RAB15: variants seen among roughly 807,000 people sequenced by gnomAD.
RAB15 encodes the protein ras-related protein Rab-15.
In RAB15, 13 loss-of-function variants were observed where a neutral mutation model predicts 31.8. The ratio of observed to expected loss-of-function variants is 0.41; its 90% confidence interval spans 0.27 to 0.65. RAB15 has a LOEUF of 0.65. Ranked by LOEUF, RAB15 falls within the 30% of genes least tolerant of loss-of-function variation. The probability of loss-of-function intolerance (pLI) is 0.32; values close to 1 mark genes in which losing one functional copy is unlikely to be tolerated. For missense variants in RAB15, 220 were observed against 277.3 expected, an observed-to-expected ratio of 0.79 and a Z score of 1.47; for synonymous variants, 100 against 105.6, an observed-to-expected ratio of 0.95 and a Z score of 0.33.
Position 64,960,056 on chromosome 14 carries a change from C to T in RAB15, c.125-7485G>A, listed in dbSNP as rs1442656317. 2.6e-5 allele frequency among the ~76,000 whole-genome samples: 4 copies of T among 152,178 alleles called. No homozygotes were observed. In the South Asian group the frequency reaches 6.2e-4, roughly 24 times the overall value. ...TGAGGCAGCAGCCCTGGGCCCCATC[C>T]TCTTCCTGCTGTGACTCTGTCTGTA... On this transcript the variant is annotated intron_variant, in intron 1 of 6. Coordinates refer to ENST00000533601, the MANE Select transcript of RAB15 (RefSeq NM_001308154.2).
At chr14:64,965,809 G>A (rs1392492355) in intron 1 of RAB15, among the ~76,000 whole-genome samples, 3 of 152,196 alleles carry the variant, frequency 2.0e-5, no homozygotes, top group East Asian at 1.9e-4. Flanking sequence ...GCAGGTAGGC[G>A]GGAGGAACCG....
Position 64,955,794 on chromosome 14 carries a change from G to A in RAB15, c.125-3223C>T, listed in dbSNP as rs1174578759. On this transcript the variant is annotated intron_variant, in intron 1 of 6. Coordinates refer to ENST00000533601, the MANE Select transcript of RAB15 (RefSeq NM_001308154.2). This position sits in a 1 kb window ranked among gnomAD's most constrained non-coding sequence, Gnocchi z 4.4. ...TCAGCCCCACCTGGGTGCACACCCA[G>A]AGAGTCAGCCCTTTTTGTTGCATCT... Among the ~76,000 whole-genome samples, 1 of 152,264 alleles carries A rather than the reference G, an allele frequency of 6.6e-6. No homozygotes were observed. Among genetic ancestry groups the A allele is most frequent in the East Asian group, 1.9e-4 (1 of 5,198 alleles).
intron 1 of RAB15, among the ~76,000 whole-genome samples, chr14:64,956,390 G>A (rs1478326587): frequency 4.7e-4 from 70 of 147,604 alleles, no homozygotes; most frequent in Admixed American, 2.3e-3. Flanking sequence ...CAGTCTGGGC[G>A]ACAGGGTGAG....
In RAB15 at chr14:64,954,167, C is replaced by T. The variant is rs1886415132; in HGVS notation, c.125-1596G>A. ...CTCGCCTGCCCAAGCTGATTCATATCCATTGAGCTGTACTTTTCCAAATGG... is the reference window on the plus strand; with the variant it reads ...CTCGCCTGCCCAAGCTGATTCATATTCATTGAGCTGTACTTTTCCAAATGG... On this transcript the variant is annotated intron_variant, in intron 1 of 6. Transcript: ENST00000533601. The surrounding 1 kb of genome is among the most constrained non-coding windows in gnomAD (Gnocchi z 4.3). 1.0e-5 allele frequency: 10 copies of T among 985,404 alleles called. No homozygotes were observed. The highest frequency in any genetic ancestry group is 1.2e-5 in the Non-Finnish European group (10 of 829,926). The allele number at this position is 985,404 out of a possible 1,614,324, so 61.0% of individuals were successfully genotyped here.
In RAB15 at chr14:64,951,056, T is replaced by G; in HGVS notation, c.324+18A>C. On this transcript the variant is annotated intron_variant, in intron 4 of 6. Coordinates refer to ENST00000533601, the MANE Select transcript of RAB15 (RefSeq NM_001308154.2). The surrounding 1 kb of genome is among the most constrained non-coding windows in gnomAD (Gnocchi z 7.2). ...AGGCACCCTCTCCACACCCCGGCAGTGAGGTGGCATCTCCTACCTCATCCA... is the reference window on the plus strand; with the variant it reads ...AGGCACCCTCTCCACACCCCGGCAGGGAGGTGGCATCTCCTACCTCATCCA... The G allele has an allele frequency of 6.2e-7, 1 of 1,613,296 alleles. No individual in the cohort carries two copies. The highest frequency in any genetic ancestry group is 8.5e-7 in the Non-Finnish European group (1 of 1,179,982).
In RAB15 at chr14:64,970,329, C is replaced by G. The variant is rs959806211; in HGVS notation, c.124+1624G>C. Among the ~76,000 whole-genome samples, 8 of 152,328 alleles carry G rather than the reference C, an allele frequency of 5.3e-5. No individual in the cohort carries two copies. Among genetic ancestry groups the G allele is most frequent in the Admixed American group, 2.6e-4 (4 of 15,306 alleles). ...GCCACTTCCTCCATCACGCCCATGC[C>G]TTTCTCCTGCACCTGCCTCTTCCCC... On this transcript the variant is annotated intron_variant, in intron 1 of 6. Coordinates refer to ENST00000533601, the MANE Select transcript of RAB15 (RefSeq NM_001308154.2). The surrounding 1 kb of genome is among the most constrained non-coding windows in gnomAD (Gnocchi z 4.1).
In RAB15 at chr14:64,958,459, C is replaced by A. The variant is rs140038390; in HGVS notation, c.125-5888G>T. Among the ~76,000 whole-genome samples, 6 of 152,316 alleles carry A rather than the reference C, an allele frequency of 3.9e-5. No homozygotes were observed. The highest frequency in any genetic ancestry group is 2.1e-4 in the South Asian group (1 of 4,826). On this transcript the variant is annotated intron_variant, in intron 1 of 6. Coordinates refer to ENST00000533601, the MANE Select transcript of RAB15 (RefSeq NM_001308154.2). The surrounding 1 kb of genome is among the most constrained non-coding windows in gnomAD (Gnocchi z 4.4). ...ACACTGAATCTGCTGGCACCCTGAT[C>A]TTGGACTTCCCAGCCTCCCAAACTC...
At chr14:64,967,731 C>A (rs1473373459) in intron 1 of RAB15, among the ~76,000 whole-genome samples, 1 of 152,204 alleles carries the variant, frequency 6.6e-6, no homozygotes. Flanking sequence ...CCATGTATGA[C>A]ATCTTCTCCC....
At position 64,953,314 on chromosome 14, in the gene RAB15, C is replaced by T. The variant is rs1361464983; in HGVS notation, c.125-743G>A. Among the ~76,000 whole-genome samples, 2 of 152,224 alleles carry T rather than the reference C, an allele frequency of 1.3e-5. No individual in the cohort carries two copies. Among genetic ancestry groups the T allele is most frequent in the Non-Finnish European group, 2.9e-5 (2 of 68,048 alleles). On this transcript the variant is annotated intron_variant, in intron 1 of 6. Coordinates refer to ENST00000533601, the MANE Select transcript of RAB15 (RefSeq NM_001308154.2). The surrounding 1 kb of genome is among the most constrained non-coding windows in gnomAD (Gnocchi z 4.6). Reference sequence around the variant, plus strand: ...TTTCTGCCTCAGTAAATATCTTCATCAGGGACATTACCAGTATCTCAGAGG... The same window carrying T: ...TTTCTGCCTCAGTAAATATCTTCATTAGGGACATTACCAGTATCTCAGAGG...
chr14:64,961,628 C>T (rs1458321273), intron 1 of RAB15, among the ~76,000 whole-genome samples: 2 of 152,100 alleles, frequency 1.3e-5, no homozygotes, highest in Non-Finnish European at 2.9e-5. Flanking sequence ...AGTCTCAAGC[C>T]CAGGCATGGT....
At position 64,948,362 on chromosome 14, in the gene RAB15, A is replaced by C; in HGVS notation, c.631T>G (p.Trp211Gly). The part of the protein sequence containing the change: ...EGPANSSKTC[W>G]C ...GGTGCCCCACACAGGACTCAGCACCAGCAGGTTTTCGAAGAGTTCGCTGGG... is the reference window on the plus strand; with the variant it reads ...GGTGCCCCACACAGGACTCAGCACCCGCAGGTTTTCGAAGAGTTCGCTGGG... Residue 211 changes from tryptophan (W) to glycine (G), a missense_variant, in exon 7 of 7, where the codon TGG (tryptophan) becomes GGG (glycine). By Grantham distance (184) the Trp-to-Gly change is radical. Coordinates refer to ENST00000533601, the MANE Select transcript of RAB15 (RefSeq NM_001308154.2). This position sits in a 1 kb window ranked among gnomAD's most constrained non-coding sequence, Gnocchi z 7.0. 6.4e-7 allele frequency: 1 copy of C among 1,570,790 alleles called. No individual in the cohort carries two copies. The highest frequency in any genetic ancestry group is 8.6e-7 in the Non-Finnish European group (1 of 1,162,492).
chr14:64,948,859 A>G lies in RAB15; in HGVS notation c.415-126T>C. 2.5e-6 allele frequency: 2 copies of G among 801,516 alleles called. No homozygotes were observed. The highest frequency in any genetic ancestry group is 4.1e-6 in the Non-Finnish European group (2 of 491,230). 49.7% of individuals were successfully genotyped at this position (801,516 alleles called of 1,614,324 possible). The stretch of plus-strand genomic sequence containing the variant: ...GTTGTGACGATTTCTCAGAGTAGAT[A>G]ATTTCTCAGATGGGACTGGGAGCTC... On this transcript the variant is annotated intron_variant, in intron 5 of 6. Transcript: ENST00000533601. This position sits in a 1 kb window ranked among gnomAD's most constrained non-coding sequence, Gnocchi z 7.0.
At position 64,950,008 on chromosome 14, in the gene RAB15, C is replaced by T. The variant is rs539344514; in HGVS notation, c.414+317G>A. Among the ~76,000 whole-genome samples, 34 of 152,284 alleles carry T rather than the reference C, an allele frequency of 2.2e-4. No homozygotes were observed. The highest frequency in any genetic ancestry group is 6.8e-3 in the Middle Eastern group (2 of 294). On this transcript the variant is annotated intron_variant, in intron 5 of 6. Transcript: ENST00000533601. This position sits in a 1 kb window ranked among gnomAD's most constrained non-coding sequence, Gnocchi z 5.6. The stretch of plus-strand genomic sequence containing the variant: ...TGGATGCTGTCAGAGAAGAGGTTGA[C>T]AACTTGAAGTCCTTCATTACTAACA...
chr14:64,959,456 G>A (rs1170479654), intron 1 of RAB15, among the ~76,000 whole-genome samples: 1 of 152,206 alleles, frequency 6.6e-6, no homozygotes, highest in African/African-American at 2.4e-5. Context: ...AAGGGGCAGA[G>A]AATACATTTT....
chr14:64,958,415 G>C lies in RAB15; in HGVS notation c.125-5844C>G, dbSNP rs560763190. The stretch of plus-strand genomic sequence containing the variant: ...GCTAGAAGGTGCCACCTTTGTCACA[G>C]AGCATCAGCCTTCACCAGACACTGA... On this transcript the variant is annotated intron_variant, in intron 1 of 6. Transcript: ENST00000533601. This position sits in a 1 kb window ranked among gnomAD's most constrained non-coding sequence, Gnocchi z 4.4. 6.6e-6 allele frequency among the ~76,000 whole-genome samples: 1 copy of C among 152,294 alleles called. No individual in the cohort carries two copies. Among genetic ancestry groups the C allele is most frequent in the African/African-American group, 2.4e-5 (1 of 41,564 alleles).
chr14:64,961,410 G>A (rs570368438), intron 1 of RAB15, among the ~76,000 whole-genome samples: 1 of 152,340 alleles, frequency 6.6e-6, no homozygotes, highest in East Asian at 1.9e-4. Flanking sequence ...TTTGGTATAT[G>A]CAGAGATGAG....
Position 64,951,728 on chromosome 14 carries a change from C to CAGAG in RAB15, c.186-69_186-66dup. 1 of 1,384,618 alleles carries CAGAG rather than the reference C, an allele frequency of 7.2e-7. No individual in the cohort carries two copies. Among genetic ancestry groups the CAGAG allele is most frequent in the Non-Finnish European group, 1.0e-6 (1 of 970,522 alleles). 85.8% of individuals were successfully genotyped at this position (1,384,618 alleles called of 1,614,324 possible). A position where few individuals can be genotyped will look rare whatever the true frequency, so the allele number is the denominator to read the frequency against. The stretch of plus-strand genomic sequence containing the variant: ...TGGGAACAGACGGGGAGGGGAAGAG[C>CAGAG]AGAGCTGTCCCCTTGTAGGAAAAAC... On this transcript the variant is annotated intron_variant, in intron 2 of 6. Transcript: ENST00000533601. This position sits in a 1 kb window ranked among gnomAD's most constrained non-coding sequence, Gnocchi z 7.2.
At position 64,954,605 on chromosome 14, in the gene RAB15, G is replaced by T; in HGVS notation, c.125-2034C>A. The stretch of plus-strand genomic sequence containing the variant: ...CACAGTGCTCAGTGCAGACAGAGCA[G>T]TGAAAAAGACATGGCCCCTGCCCTC... On this transcript the variant is annotated intron_variant, in intron 1 of 6. Coordinates refer to ENST00000533601, the MANE Select transcript of RAB15 (RefSeq NM_001308154.2). This position sits in a 1 kb window ranked among gnomAD's most constrained non-coding sequence, Gnocchi z 4.3. The T allele has an allele frequency of 1.2e-6, 1 of 850,596 alleles. No homozygotes were observed. The highest frequency in any genetic ancestry group is 1.4e-6 in the Non-Finnish European group (1 of 706,868). 52.7% of individuals were successfully genotyped at this position (850,596 alleles called of 1,614,324 possible). A position where few individuals can be genotyped will look rare whatever the true frequency, so the allele number is the denominator to read the frequency against.
chr14:64,960,977 C>A (rs1005709431), intron 1 of RAB15, among the ~76,000 whole-genome samples: 7 of 152,220 alleles, frequency 4.6e-5, no homozygotes, highest in African/African-American at 1.7e-4. Context: ...CAGCTGCCAG[C>A]TTGCCTGCCT....
Sources: allele counts gnomAD v4.1 joint callset (sites outside exome capture counted in the v4.1 genomes callset), GRCh38; gene constraint gnomAD v4.1.1; non-coding constraint Gnocchi (gnomAD v3.1); transcripts MANE v1.5; gene names NCBI Gene and HGNC (gene_info 2026-07-23, HGNC 2026-07-21).